Variants in GTF2IRD2 observed in about 807,000 individuals in gnomAD.
GTF2IRD2 encodes the protein GTF2I repeat domain containing 2.
Under a neutral mutation model 49.2 loss-of-function variants are expected in GTF2IRD2, and 8 were observed. The ratio of observed to expected loss-of-function variants is 0.16; its 90% CI spans 0.10 to 0.29. The LOEUF (loss-of-function observed/expected upper bound fraction) is 0.29. GTF2IRD2 is among the 10% of genes least tolerant of loss of function. The pLI, the probability that GTF2IRD2 is intolerant of heterozygous loss-of-function variation, is 1.00. For missense variants in GTF2IRD2, 130 were observed against 725.7 expected, an observed-to-expected ratio of 0.18 and a Z score of 9.43; for synonymous variants, 47 against 289.7, an observed-to-expected ratio of 0.16 and a Z score of 8.51.
rs1159580695 is a variant in GTF2IRD2, at chr7:74,808,769, G to C, written c.871+339C>G. On this transcript the variant is annotated intron_variant, in intron 11 of 15. Transcript: ENST00000451013. ...TTTTTTTTTTTTTAGATGGAATCTCGCTCTGTCACCCAGGCTGCAGTACAG... is the reference window on the plus strand; with the variant it reads ...TTTTTTTTTTTTTAGATGGAATCTCCCTCTGTCACCCAGGCTGCAGTACAG... Among the ~76,000 whole-genome samples, 2 of 72,376 alleles carry C rather than the reference G, an allele frequency of 2.8e-5. 1 individual carries two copies. Among genetic ancestry groups the C allele is most frequent in the South Asian group, 1.1e-3 (2 of 1,754 alleles). The allele number at this position is 72,376 out of a possible 152,430, so 47.5% of individuals were successfully genotyped here. A position where few individuals can be genotyped will look rare whatever the true frequency, so the allele number is the denominator to read the frequency against.
intron 3 of GTF2IRD2, among the ~76,000 whole-genome samples, chr7:74,829,887 C>CAAA (rs1554420189): frequency 3.3e-5 from 2 of 59,860 alleles, no homozygotes; most frequent in African/African-American, 1.2e-4. Context: ...GATTCTGTCT[C>CAAA]AAAAAAAAAA....
At chr7:74,825,802 CTTT>C (rs71304554) in intron 3 of GTF2IRD2, among the ~76,000 whole-genome samples, 24 of 110,890 alleles carry the variant, frequency 2.2e-4, no homozygotes, top group South Asian at 9.3e-4. Flanking sequence ...TTTCTTTCTT[CTTT>C]TTTTTTTTTT....
At chr7:74,819,890 T>C (rs1213783693) in intron 7 of GTF2IRD2, 79 bp downstream of exon 7, 2 of 1,491,400 alleles carry the variant, frequency 1.3e-6, no homozygotes, top group African/African-American at 2.7e-5. Flanking sequence ...ACTTAAATGC[T>C]GTAAGGAGGC....
intron 3 of GTF2IRD2, among the ~76,000 whole-genome samples, chr7:74,826,863 C>T (rs1799444472): frequency 6.7e-6 from 1 of 149,596 alleles, no homozygotes; most frequent in Non-Finnish European, 1.5e-5. Flanking sequence ...AGGCATGCAC[C>T]ACCGCCCCCG....
rs1554416300 is a variant in GTF2IRD2, at chr7:74,797,168, C to CA, written c.2343dup (p.Asp782Ter). Reference sequence around the variant, plus strand: ...TTTGCTAGGAACGCCCGGATCAGGTCATACATCTGCGTGACGATTTGGGAG... The same window carrying CA: ...TTTGCTAGGAACGCCCGGATCAGGTCAATACATCTGCGTGACGATTTGGGAG... On this transcript the variant is annotated frameshift_variant, in exon 16 of 16. Transcript: ENST00000451013. LOFTEE classifies it high-confidence loss of function. The CA allele has an allele frequency of 2.2e-6, 2 of 915,634 alleles. No homozygotes were observed. Among genetic ancestry groups the CA allele is most frequent in the Admixed American group, 3.6e-5 (2 of 55,978 alleles). The allele number at this position is 915,634 out of a possible 1,614,324, so 56.7% of individuals were successfully genotyped here.
intron 10 of GTF2IRD2, among the ~76,000 whole-genome samples, chr7:74,809,875 C>A (rs1798020897): frequency 1.0e-5 from 1 of 98,144 alleles, no homozygotes; most frequent in Non-Finnish European, 2.2e-5. Flanking sequence ...CTCACTGCAG[C>A]CTCCGCCTCC....
rs1554416139 is a variant in GTF2IRD2 at position 74,796,451 on chromosome 7, G to T, written c.*211C>A. 9.4e-6 allele frequency: 5 copies of T among 533,966 alleles called. No individual in the cohort carries two copies. The highest frequency in any genetic ancestry group is 1.3e-5 in the Non-Finnish European group (4 of 296,536). 33.1% of individuals were successfully genotyped at this position (533,966 alleles called of 1,614,324 possible). On this transcript the variant is annotated 3_prime_UTR_variant, in exon 16 of 16. Coordinates refer to ENST00000451013, the MANE Select transcript of GTF2IRD2 (RefSeq NM_173537.5). ...GTGGCGCACGCCTGTAGTCCCAGCT[G>T]CTCGGGAGGCTGAGGCAGGAGAATC...
chr7:74,831,504 TAC>T (rs4029807), intron 3 of GTF2IRD2, among the ~76,000 whole-genome samples: 12,253 of 118,956 alleles, frequency 0.1, 270 homozygotes, highest in Non-Finnish European at 0.13. Flanking sequence ...TCTCTGTACA[TAC>T]ACACACACAC....
chr7:74,829,527 T>TA (rs1306705761), intron 3 of GTF2IRD2, among the ~76,000 whole-genome samples: 1 of 142,380 alleles, frequency 7.0e-6, no homozygotes, highest in Non-Finnish European at 1.5e-5. Context: ...TCTACAGAAT[T>TA]ATTGCAATCC....
chr7:74,806,051 T>C (rs1797712565), intron 12 of GTF2IRD2, among the ~76,000 whole-genome samples: 1 of 130,510 alleles, frequency 7.7e-6, no homozygotes, highest in Non-Finnish European at 1.6e-5. Context: ...CATGCCACCA[T>C]GCCTGGTCCT....
At chr7:74,822,349 C>T (rs1798981862) in intron 6 of GTF2IRD2, 78 bp downstream of exon 6, 6 of 666,146 alleles carry the variant, frequency 9.0e-6, no homozygotes, top group Admixed American at 4.9e-5. Context: ...CACGCCCGGC[C>T]CCCAATTCAA....
chr7:74,831,756 C>T (rs1799888817), intron 3 of GTF2IRD2, among the ~76,000 whole-genome samples: 2 of 79,372 alleles, frequency 2.5e-5, no homozygotes, highest in Non-Finnish European at 4.9e-5. Context: ...CGGCTCACTG[C>T]AGCCTTGACC....
At chr7:74,826,868 C>T (rs1409769419) in intron 3 of GTF2IRD2, among the ~76,000 whole-genome samples, 3 of 150,188 alleles carry the variant, frequency 2.0e-5, no homozygotes, top group East Asian at 3.9e-4. Context: ...TGCACCACCG[C>T]CCCCGGCTAA....
intron 2 of GTF2IRD2, among the ~76,000 whole-genome samples, 191 bp from the exon 3 acceptor site, chr7:74,833,134 G>T (rs1467822055): frequency 1.9e-3 from 101 of 54,078 alleles, no homozygotes; most frequent in African/African-American, 6.8e-3. Context: ...CTCACTGCAA[G>T]CTCCGCCTCC....
At position 74,845,369 on chromosome 7, in the gene GTF2IRD2, AGC is replaced by A. The variant is rs1801187742; in HGVS notation, c.-6+5996_-6+5997del. Among the ~76,000 whole-genome samples the A allele has an allele frequency of 1.2e-4, 18 of 151,108 alleles. No homozygotes were observed. In the South Asian group the frequency reaches 3.3e-3, roughly 28 times the overall value. Reference sequence around the variant, plus strand: ...CAGTGGTGCAATCACAGCTCACTGCAGCCTCTGCCTCCCTGGGCTCGGATGAT... The same window carrying A: ...CAGTGGTGCAATCACAGCTCACTGCACTCTGCCTCCCTGGGCTCGGATGAT... On this transcript the variant is annotated intron_variant, in intron 1 of 15. Coordinates refer to ENST00000451013, the MANE Select transcript of GTF2IRD2 (RefSeq NM_173537.5).
At chr7:74,831,021 G>GAA (rs1799797809) in intron 3 of GTF2IRD2, among the ~76,000 whole-genome samples, 1 of 146,132 alleles carries the variant, frequency 6.8e-6, no homozygotes, top group African/African-American at 2.5e-5. Context: ...TCAGTGATTA[G>GAA]AAATTCAACT....
rs1158395997 is a variant in GTF2IRD2 at position 74,839,360 on chromosome 7, G to A, written c.-5-2977C>T. On this transcript the variant is annotated intron_variant, in intron 1 of 15. Transcript: ENST00000451013. ...GCGGCATCCAGCCATGAGACGCGTA[G>A]GTCCTAGAAAGTCTTTTCTTGAGCA... Among the ~76,000 whole-genome samples, 3 of 36,542 alleles carry A rather than the reference G, an allele frequency of 8.2e-5. 1 individual carries two copies. Among genetic ancestry groups the A allele is most frequent in the African/African-American group, 7.6e-4 (3 of 3,936 alleles). 24.0% of individuals were successfully genotyped at this position (36,542 alleles called of 152,430 possible).
intron 3 of GTF2IRD2, among the ~76,000 whole-genome samples, chr7:74,825,973 T>C (rs1252750272): frequency 6.6e-6 from 1 of 151,678 alleles, no homozygotes; most frequent in Non-Finnish European, 1.5e-5. Flanking sequence ...GCTAATTTTT[T>C]GTATTTTTTA....
chr7:74,845,760 AT>A (rs1171710513), intron 1 of GTF2IRD2, among the ~76,000 whole-genome samples: 29 of 152,374 alleles, frequency 1.9e-4, no homozygotes, highest in African/African-American at 6.5e-4. Context: ...TCCCAAGTAC[AT>A]TTTCCTGAGA....
Sources: gnomAD v4.1 joint callset for allele counts (sites outside exome capture counted in the v4.1 genomes callset) on GRCh38, gnomAD v4.1.1 for gene constraint, MANE v1.5 for transcripts, NCBI Gene and HGNC (gene_info 2026-07-23, HGNC 2026-07-21) for gene names.